The following BRCA1 variants were observed in gnomAD, a reference collection of about 807,000 sequenced individuals.
BRCA1 encodes the protein breast cancer type 1 susceptibility protein.
A neutral mutation model predicts 173.7 loss-of-function variants in BRCA1; 140 were observed. The ratio of observed to expected loss-of-function variants is 0.81; its 90% CI spans 0.70 to 0.93. The LOEUF is 0.93. Ranked by LOEUF, BRCA1 falls within the 40% of genes least tolerant of loss-of-function variation. BRCA1 has a pLI of 0.00. For missense variants in BRCA1, 1,983 were observed against 2,172.5 expected, an observed-to-expected ratio of 0.91 and a Z score of 1.73; for synonymous variants, 662 against 756.0, an observed-to-expected ratio of 0.88 and a Z score of 2.04.
chr17:43,071,310 G>A (rs2153906713), intron 14 of BRCA1, 72 bp from the exon 15 acceptor site: 1 of 1,526,968 alleles, frequency 6.5e-7, no homozygotes, highest in Non-Finnish European at 9.0e-7. Context: ...TCTCTGTTAA[G>A]AATTAAAAAG....
intron 11 of BRCA1, among the ~76,000 whole-genome samples, chr17:43,089,934 G>A (rs572736614): frequency 7.8e-4 from 118 of 151,666 alleles, no homozygotes; most frequent in African/African-American, 2.8e-3. Flanking sequence ...TTGAGCCCAG[G>A]AAGTCAAAGC....
chr17:43,054,435 A>G (rs2051375170), intron 19 of BRCA1, among the ~76,000 whole-genome samples: 1 of 152,150 alleles, frequency 6.6e-6, no homozygotes, highest in Non-Finnish European at 1.5e-5. Context: ...AGTGCTCAGT[A>G]GAAGGATGTT....
intron 19 of BRCA1, among the ~76,000 whole-genome samples, chr17:43,056,834 C>T (rs2051482931): frequency 6.6e-6 from 1 of 152,164 alleles, no homozygotes; most frequent in Non-Finnish European, 1.5e-5. Flanking sequence ...AATTACACAG[C>T]CTCTCTAAAT....
chr17:43,125,317 G>C lies in BRCA1; in HGVS notation c.-66C>G, dbSNP rs1454233540. On this transcript the variant is annotated 5_prime_UTR_variant, in exon 1 of 23. Coordinates refer to ENST00000357654, the MANE Select transcript of BRCA1 (RefSeq NM_007294.4). Reference sequence around the variant, plus strand: ...AAGGCCTCCTGAGCGCAGGGGCCCAGTTATCTGAGAAACCCCACAGCCTGT... The same window carrying C: ...AAGGCCTCCTGAGCGCAGGGGCCCACTTATCTGAGAAACCCCACAGCCTGT... 2.2e-6 allele frequency: 1 copy of C among 456,002 alleles called. No homozygotes were observed. Among genetic ancestry groups the C allele is most frequent in the Non-Finnish European group, 4.4e-6 (1 of 226,764 alleles). The allele number at this position is 456,002 out of a possible 1,614,324, so 28.2% of individuals were successfully genotyped here. A position where few individuals can be genotyped will look rare whatever the true frequency, so the allele number is the denominator to read the frequency against.
intron 1 of BRCA1, among the ~76,000 whole-genome samples, chr17:43,134,262 A>C (rs2055997223): frequency 6.6e-6 from 1 of 152,108 alleles, no homozygotes; most frequent in Non-Finnish European, 1.5e-5. Context: ...CCCCTCCTTC[A>C]TGATCCATGC....
intron 11 of BRCA1, among the ~76,000 whole-genome samples, chr17:43,089,371 T>C (rs186416570): frequency 2.6e-5 from 4 of 152,136 alleles, no homozygotes; most frequent in African/African-American, 7.2e-5. Flanking sequence ...GAAGATGATA[T>C]TCATTTTTAG....
At chr17:43,102,078 GT>G (rs898927264) in intron 6 of BRCA1, among the ~76,000 whole-genome samples, 4 of 143,860 alleles carry the variant, frequency 2.8e-5, no homozygotes, top group Admixed American at 6.9e-5. Flanking sequence ...AAGTTTTTTT[GT>G]TTTTTTTTTG....
intron 1 of BRCA1, chr17:43,165,734 T>C (rs1039976972): frequency 4.6e-5 from 7 of 151,772 alleles, no homozygotes; most frequent in Non-Finnish European, 8.8e-5. Flanking sequence ...TTTTTCCTTT[T>C]TTTTTTCGAA....
Position 43,112,736 on chromosome 17 carries a change from C to T in BRCA1, c.134+2990G>A, listed in dbSNP as rs375673256. The T allele has an allele frequency of 0.45, 68,107 of 151,626 alleles. 16,986 individuals are homozygous for T. Among genetic ancestry groups the T allele is most frequent in the African/African-American group, 0.68 (28,083 of 41,326 alleles). The allele number at this position is 151,626 out of a possible 1,614,324, so 9.4% of individuals were successfully genotyped here. A position where few individuals can be genotyped will look rare whatever the true frequency, so the allele number is the denominator to read the frequency against. On this transcript the variant is annotated intron_variant, in intron 3 of 22. Transcript: ENST00000357654. ...CTATCACAATCCTGACTATCACAAG[C>T]TTGAAACCAAGCTTCTCACTCTTCT...
chr17:43,074,400 C>T lies in BRCA1; in HGVS notation c.4606G>A (p.Glu1536Lys). The T allele has an allele frequency of 6.2e-7, 1 of 1,614,124 alleles. No homozygotes were observed. Among genetic ancestry groups the T allele is most frequent in the East Asian group, 2.2e-5 (1 of 44,880 alleles). ...GGCCCAGACTCTTCCAGCTGTTGCT[C>T]CTCCACATCAACAACCTTAATGAGC... is the stretch of plus-strand genomic sequence containing the variant. ...EELIKVVDVE[E>K]QQLEESGPHD... The change falls in exon 14 of 23, where the codon GAG becomes AAG. Residue 1536 changes from glutamate (E) to lysine (K), a missense_variant. Glu to Lys is a moderately conservative substitution (Grantham distance 56). Transcript: ENST00000357654.
intron 12 of BRCA1, among the ~76,000 whole-genome samples, chr17:43,077,085 G>A (rs1322664871): frequency 2.6e-5 from 4 of 152,028 alleles, no homozygotes; most frequent in African/African-American, 7.2e-5. Flanking sequence ...TTCAGCTTCT[G>A]CATGTCGGGG....
chr17:43,145,076 G>A (rs1478831023), intron 1 of BRCA1: 132 of 818,526 alleles, frequency 1.6e-4, no homozygotes, highest in Non-Finnish European at 1.7e-4. Context: ...AAAGGCAGCA[G>A]CGAAGGATAA....
At chr17:43,063,231 C>T in intron 18 of BRCA1, 102 bp downstream of exon 18, 2 of 953,010 alleles carry the variant, frequency 2.1e-6, no homozygotes, top group Admixed American at 3.8e-5. Context: ...AAAATTTGTG[C>T]ATTGTTAAGG....
chr17:43,149,819 T>TG (rs2056149404), intron 1 of BRCA1, among the ~76,000 whole-genome samples: 1 of 152,224 alleles, frequency 6.6e-6, no homozygotes, highest in Admixed American at 6.5e-5. Context: ...GACGGAGTCT[T>TG]GCTCTGTCGC....
chr17:43,047,735 G>T (rs750565541), intron 21 of BRCA1, 32 bp from the exon 22 acceptor site: 1 of 1,612,144 alleles, frequency 6.2e-7, no homozygotes, highest in Non-Finnish European at 8.5e-7. Flanking sequence ...AGCATTCAAA[G>T]TGTCAAAGTA....
Position 43,102,677 on chromosome 17 carries a change from A to G in BRCA1, c.441+1445T>C, listed in dbSNP as rs1216374336. Among the ~76,000 whole-genome samples the G allele has an allele frequency of 3.3e-5, 5 of 150,056 alleles. No individual in the cohort carries two copies. The East Asian group carries it at 9.8e-4, about 29-fold the overall frequency. ...GCCAGTTCTTTTTTTTTTTGCAACT[A>G]GATCTTGCTTTGCCGCCCACGCTGA... On this transcript the variant is annotated intron_variant, in intron 6 of 22. Transcript: ENST00000357654.
In BRCA1 at chr17:43,099,665, C is replaced by T. The variant is rs2054284278; in HGVS notation, c.547+110G>A. 6.7e-6 allele frequency: 6 copies of T among 898,062 alleles called. No homozygotes were observed. In the South Asian group the frequency reaches 6.7e-5, roughly 10 times the overall value. The allele number at this position is 898,062 out of a possible 1,614,324, so 55.6% of individuals were successfully genotyped here. The stretch of plus-strand genomic sequence containing the variant: ...ACCATAGGGCTCATAAAATTCACTT[C>T]CCAAAGCTGCCTACCACAAATACAA... On this transcript the variant is annotated intron_variant, in intron 7 of 22. Transcript: ENST00000357654.
At chr17:43,051,470 A>G (rs894969976) in intron 19 of BRCA1, among the ~76,000 whole-genome samples, 1 of 152,170 alleles carries the variant, frequency 6.6e-6, no homozygotes, top group African/African-American at 2.4e-5. Flanking sequence ...TGCAAGGGAA[A>G]AAAGGTCCTT....
chr17:43,088,322 C>T (rs2053309648), intron 11 of BRCA1, among the ~76,000 whole-genome samples: 1 of 152,114 alleles, frequency 6.6e-6, no homozygotes, highest in Non-Finnish European at 1.5e-5. Context: ...TCCCCCTCCC[C>T]AAGTCCCTAG....
Sources: gnomAD v4.1 joint callset for allele counts (sites outside exome capture counted in the v4.1 genomes callset) on GRCh38, gnomAD v4.1.1 for gene constraint, MANE v1.5 for transcripts, NCBI Gene and HGNC (gene_info 2026-07-23, HGNC 2026-07-21) for gene names.